Variants in MOB3B observed in about 807,000 individuals in gnomAD.
MOB3B encodes MOB kinase activator 3B.
MOB3B carries 7 observed loss-of-function variants against 18.7 expected under a neutral mutation model. That is an observed-to-expected ratio of 0.37 (90% CI 0.21 to 0.70). MOB3B has a LOEUF of 0.70. Among genes scored for constraint, MOB3B ranks in the 30% least tolerant of loss-of-function variants. The pLI is 0.52. For synonymous variants in MOB3B, 111 were observed against 99.9 expected (o/e 1.11, Z -0.66); for missense variants, 253 against 281.3 (o/e 0.90, Z 0.72).
chr9:27,481,515 T>TTG (rs1554652199), intron 1 of MOB3B, among the ~76,000 whole-genome samples: 8 of 135,836 alleles, frequency 5.9e-5, no homozygotes, highest in East Asian at 4.1e-4. Flanking sequence ...TTTTTTGTTT[T>TTG]TTTTGTTTTT....
intron 2 of MOB3B, among the ~76,000 whole-genome samples, chr9:27,453,193 A>G (rs1395526790): frequency 1.3e-5 from 2 of 152,354 alleles, no homozygotes; most frequent in East Asian, 3.9e-4. Context: ...ACCAGTGTCA[A>G]ATAAGGAACC....
At chr9:27,414,596 T>A (rs1200677130) in intron 2 of MOB3B, among the ~76,000 whole-genome samples, 1 of 152,198 alleles carries the variant, frequency 6.6e-6, no homozygotes, top group Non-Finnish European at 1.5e-5. Flanking sequence ...GCTACTGAGG[T>A]TATACTCCCT....
chr9:27,481,498 T>G (rs545464478), intron 1 of MOB3B, among the ~76,000 whole-genome samples: 14 of 64,784 alleles, frequency 2.2e-4, no homozygotes, highest in African/African-American at 6.0e-4. Flanking sequence ...AGGAAGGTAG[T>G]TTTTTTTTTT....
At position 27,326,369 on chromosome 9, in the gene MOB3B, G is replaced by T. The variant is rs902581429; in HGVS notation, c.*4218C>A. On this transcript the variant is annotated 3_prime_UTR_variant, in exon 4 of 4. Coordinates refer to ENST00000262244, the MANE Select transcript of MOB3B (RefSeq NM_024761.5). The stretch of plus-strand genomic sequence containing the variant: ...TAGCCTTCAGATATTTAATGGATAT[G>T]CAAATAAAGCTCTGATTAATTGTAT... 4.8e-5 allele frequency: 19 copies of T among 397,790 alleles called. No individual in the cohort carries two copies. The highest frequency in any genetic ancestry group is 2.2e-4 in the Admixed American group (5 of 22,690). 24.6% of individuals were successfully genotyped at this position (397,790 alleles called of 1,614,324 possible). A position where few individuals can be genotyped will look rare whatever the true frequency, so the allele number is the denominator to read the frequency against.
At chr9:27,523,955 A>G (rs896743026) in intron 1 of MOB3B, among the ~76,000 whole-genome samples, 3 of 151,966 alleles carry the variant, frequency 2.0e-5, no homozygotes, top group Non-Finnish European at 4.4e-5. Flanking sequence ...GATTTGGGTG[A>G]GTGAGTGAGT....
At chr9:27,371,700 G>A (rs1821417106) in intron 2 of MOB3B, among the ~76,000 whole-genome samples, 1 of 152,186 alleles carries the variant, frequency 6.6e-6, no homozygotes, top group Non-Finnish European at 1.5e-5. Flanking sequence ...GATCGGGAGT[G>A]GCGTGGACTG....
intron 2 of MOB3B, among the ~76,000 whole-genome samples, chr9:27,401,073 C>G (rs145903150): frequency 1.6e-4 from 25 of 152,266 alleles, no homozygotes; most frequent in Admixed American, 4.6e-4. Context: ...AATATGGCAC[C>G]CAAGAGCAGA....
chr9:27,368,033 G>A (rs1821362953), intron 2 of MOB3B, among the ~76,000 whole-genome samples: 1 of 152,044 alleles, frequency 6.6e-6, no homozygotes, highest in Non-Finnish European at 1.5e-5. Context: ...CCCTCTACAA[G>A]TCATAAAAAC....
At chr9:27,522,604 CTAAG>C (rs1461198703) in intron 1 of MOB3B, among the ~76,000 whole-genome samples, 2 of 151,742 alleles carry the variant, frequency 1.3e-5, no homozygotes, top group Non-Finnish European at 2.9e-5. Flanking sequence ...GCTTACTTAA[CTAAG>C]TATTTATTGC....
chr9:27,430,397 A>G (rs55931630), intron 2 of MOB3B, among the ~76,000 whole-genome samples: 28,912 of 152,000 alleles, frequency 0.19, 3,025 homozygotes, highest in Middle Eastern at 0.27. Context: ...GTGCTCCTCA[A>G]AGCTTTAGGG....
chr9:27,367,630 A>G (rs888749957), intron 2 of MOB3B, among the ~76,000 whole-genome samples: 8 of 152,200 alleles, frequency 5.3e-5, no homozygotes, highest in Admixed American at 2.0e-4. Context: ...GAAGCACAGC[A>G]CCAGCAGGCA....
chr9:27,368,353 T>TACACACACACACACACACACACACAC (rs138287792), intron 2 of MOB3B, among the ~76,000 whole-genome samples: 1 of 145,888 alleles, frequency 6.9e-6, no homozygotes, highest in African/African-American at 2.5e-5. Context: ...CACACATACA[T>TACACACACACACACACACACACACAC]ACACACACAC....
At chr9:27,450,377 A>T (rs1041793169) in intron 2 of MOB3B, among the ~76,000 whole-genome samples, 16 of 152,224 alleles carry the variant, frequency 1.1e-4, no homozygotes, top group Non-Finnish European at 1.6e-4. Context: ...TGGCATTACC[A>T]GGGAGTTATG....
At chr9:27,410,075 G>A (rs540302637) in intron 2 of MOB3B, among the ~76,000 whole-genome samples, 20 of 152,068 alleles carry the variant, frequency 1.3e-4, no homozygotes, top group Non-Finnish European at 1.9e-4. Flanking sequence ...TGGTGAAAAT[G>A]GTAAGTTTTA....
intron 2 of MOB3B, among the ~76,000 whole-genome samples, chr9:27,386,857 G>T (rs1821656703): frequency 6.6e-6 from 1 of 152,182 alleles, no homozygotes; most frequent in Non-Finnish European, 1.5e-5. Flanking sequence ...CAATCTACTT[G>T]CTCCTGGAGG....
At chr9:27,524,133 G>A (rs1418106117) in intron 1 of MOB3B, among the ~76,000 whole-genome samples, 10 of 133,982 alleles carry the variant, frequency 7.5e-5, no homozygotes, top group African/African-American at 2.3e-4. Flanking sequence ...TTCCAAAGTC[G>A]GCATAGTCAC....
intron 1 of MOB3B, among the ~76,000 whole-genome samples, chr9:27,496,254 C>A (rs1819897076): frequency 1.3e-5 from 2 of 152,206 alleles, no homozygotes. Flanking sequence ...AAGTAAACCA[C>A]TATAGCAAAG....
chr9:27,362,028 C>T (rs1040576623), intron 2 of MOB3B, among the ~76,000 whole-genome samples: 6 of 152,172 alleles, frequency 3.9e-5, no homozygotes, highest in East Asian at 1.9e-4. Flanking sequence ...GGACACACTG[C>T]GGATGCTCAT....
At chr9:27,524,554 T>C (rs1264686016) in intron 1 of MOB3B, 1 of 1,614,124 alleles carries the variant, frequency 6.2e-7, no homozygotes, top group Admixed American at 1.7e-5. Context: ...CAAGAGTTTC[T>C]GCAATACACC....
Sources: gnomAD v4.1 joint callset for allele counts (sites outside exome capture counted in the v4.1 genomes callset) on GRCh38, gnomAD v4.1.1 for gene constraint, MANE v1.5 for transcripts, NCBI Gene and HGNC (gene_info 2026-07-23, HGNC 2026-07-21) for gene names.